Variants in SOX5 observed in about 807,000 individuals in gnomAD.
The protein encoded by SOX5 is transcription factor SOX-5.
A neutral mutation model predicts 92.0 loss-of-function variants in SOX5; 9 were observed. That is an observed-to-expected ratio of 0.10 (90% CI 0.06 to 0.17). The LOEUF (loss-of-function observed/expected upper bound fraction) is 0.17, where lower values mean the gene tolerates loss of function less well. Ranked by LOEUF, SOX5 falls within the 10% of genes least tolerant of loss-of-function variation. The pLI is 1.00. For synonymous variants in SOX5, 344 were observed against 336.3 expected (o/e 1.02, Z -0.25); for missense variants, 642 against 944.5 (o/e 0.68, Z 4.20).
At chr12:23,757,198 G>A (rs1042441443) in intron 3 of SOX5, among the ~76,000 whole-genome samples, 5 of 151,758 alleles carry the variant, frequency 3.3e-5, no homozygotes, top group African/African-American at 7.2e-5. Context: ...ATTTACCTAC[G>A]GAATGAATTT....
chr12:24,107,617 TC>T (rs138684797), intron 4 of SOX5, among the ~76,000 whole-genome samples: 6,131 of 152,256 alleles, frequency 0.04, 135 homozygotes, highest in Non-Finnish European at 0.05. Flanking sequence ...TGTTTTATTC[TC>T]TCTAAGCTAA....
intron 1 of SOX5, among the ~76,000 whole-genome samples, chr12:24,455,227 C>T (rs545919796): frequency 2.2e-4 from 34 of 152,236 alleles, no homozygotes; most frequent in African/African-American, 7.9e-4. Context: ...AGGTAATCAG[C>T]TAATTAAAAA....
At chr12:24,191,084 C>T (rs1301228302) in intron 4 of SOX5, among the ~76,000 whole-genome samples, 3 of 152,108 alleles carry the variant, frequency 2.0e-5, no homozygotes, top group Non-Finnish European at 2.9e-5. Flanking sequence ...GGACTAAAGG[C>T]GTGCACCACC....
At chr12:24,109,457 G>C (rs1376167813) in intron 4 of SOX5, among the ~76,000 whole-genome samples, 6 of 152,022 alleles carry the variant, frequency 3.9e-5, no homozygotes, top group East Asian at 1.9e-4. Context: ...CCTCATTAAG[G>C]CTTCCTAAAA....
At chr12:23,925,865 T>C (rs1939798647) in intron 1 of SOX5, among the ~76,000 whole-genome samples, 1 of 152,074 alleles carries the variant, frequency 6.6e-6, no homozygotes. Context: ...CAATCACCTT[T>C]AGTGTAATTA....
intron 7 of SOX5, among the ~76,000 whole-genome samples, chr12:23,648,401 T>C (rs1566686818): frequency 2.6e-5 from 4 of 152,202 alleles, no homozygotes; most frequent in Admixed American, 6.5e-5. Context: ...TTGAATTATG[T>C]CTGTCTACAA....
At chr12:24,022,119 C>T (rs1954362850) in intron 4 of SOX5, among the ~76,000 whole-genome samples, 1 of 152,106 alleles carries the variant, frequency 6.6e-6, no homozygotes, top group Non-Finnish European at 1.5e-5. Flanking sequence ...GTCAGTGAGA[C>T]AGATCATAAA....
intron 9 of SOX5, among the ~76,000 whole-genome samples, chr12:23,592,351 C>A (rs1951690586): frequency 6.6e-6 from 1 of 152,072 alleles, no homozygotes; most frequent in African/African-American, 2.4e-5. Flanking sequence ...AAACATATTT[C>A]TTAAACTGTT....
intron 6 of SOX5, among the ~76,000 whole-genome samples, chr12:23,674,591 G>A (rs2085360748): frequency 7.3e-5 from 11 of 151,468 alleles, no homozygotes; most frequent in Admixed American, 7.2e-4. Context: ...ACCCTCCTTG[G>A]CCTCCCAAAG....
At chr12:24,326,407 C>T (rs1950680492) in intron 2 of SOX5, among the ~76,000 whole-genome samples, 1 of 152,066 alleles carries the variant, frequency 6.6e-6, no homozygotes, top group South Asian at 2.1e-4. Flanking sequence ...GCTCACTGTA[C>T]CCTTAACAAA....
At chr12:23,846,236 G>C (rs2096573650) in intron 2 of SOX5, 43 bp from the exon 3 acceptor site, 1 of 1,426,824 alleles carries the variant, frequency 7.0e-7, no homozygotes, top group Non-Finnish European at 9.9e-7. Context: ...TTACCTGAAA[G>C]AGAGAGCAAA....
intron 4 of SOX5, among the ~76,000 whole-genome samples, chr12:24,044,755 GT>G (rs1445366912): frequency 1.3e-5 from 2 of 152,268 alleles, no homozygotes; most frequent in Admixed American, 1.3e-4. Flanking sequence ...GATTGGCCTT[GT>G]CAGCCAGAAG....
chr12:23,613,670 TTA>T (rs2076227132), intron 8 of SOX5, among the ~76,000 whole-genome samples: 1 of 152,204 alleles, frequency 6.6e-6, no homozygotes, highest in South Asian at 2.1e-4. Flanking sequence ...CAATGAATTA[TTA>T]TTCAGCCTTA....
At chr12:24,081,887 A>G (rs1310138146) in intron 4 of SOX5, among the ~76,000 whole-genome samples, 1 of 151,928 alleles carries the variant, frequency 6.6e-6, no homozygotes, top group Non-Finnish European at 1.5e-5. Flanking sequence ...CTCAGAGGAC[A>G]ATGGAAAAAG....
At chr12:23,889,684 C>T (rs2097108215) in intron 2 of SOX5, among the ~76,000 whole-genome samples, 1 of 152,124 alleles carries the variant, frequency 6.6e-6, no homozygotes. Flanking sequence ...TATTTCCAAA[C>T]TCTACAGAAG....
At chr12:23,969,750 G>A (rs962837243) in intron 4 of SOX5, among the ~76,000 whole-genome samples, 1 of 152,194 alleles carries the variant, frequency 6.6e-6, no homozygotes, top group African/African-American at 2.4e-5. Context: ...GGTGAAAAGT[G>A]ATAGCTTTAC....
intron 1 of SOX5, among the ~76,000 whole-genome samples, chr12:24,397,862 T>A (rs1960445799): frequency 6.6e-6 from 1 of 151,908 alleles, no homozygotes; most frequent in South Asian, 2.1e-4. Context: ...TTTATTTATT[T>A]ATTTTGAGAC....
At chr12:23,698,339 C>T (rs2090167569) in intron 6 of SOX5, among the ~76,000 whole-genome samples, 1 of 152,050 alleles carries the variant, frequency 6.6e-6, no homozygotes, top group South Asian at 2.1e-4. Flanking sequence ...TGTCTGTCTC[C>T]TTCTTCCTTC....
chr12:24,122,804 C>A (rs1948760896), intron 4 of SOX5, among the ~76,000 whole-genome samples: 3 of 152,004 alleles, frequency 2.0e-5, no homozygotes, highest in Non-Finnish European at 4.4e-5. Context: ...AAAGCAATTT[C>A]TGTAAGTGAA....
Sources: allele counts gnomAD v4.1 joint callset (sites outside exome capture counted in the v4.1 genomes callset), GRCh38; gene constraint gnomAD v4.1.1; transcripts MANE v1.5; gene names NCBI Gene and HGNC (gene_info 2026-07-23, HGNC 2026-07-21).